The following ST14 variants were observed in gnomAD, a reference collection of about 807,000 sequenced individuals.
ST14 encodes ST14 transmembrane serine protease matriptase.
In ST14, 40 loss-of-function variants were observed where a neutral mutation model predicts 96.5. The observed-to-expected ratio is 0.41, with a 90% CI of 0.32 to 0.54. ST14 has a LOEUF of 0.54. ST14 is among the 20% of genes least tolerant of loss of function. ST14 has a pLI of 0.17. For synonymous variants in ST14, 506 were observed against 492.1 expected (o/e 1.03, Z -0.37); for missense variants, 1,066 against 1,188.9 (o/e 0.90, Z 1.52).
intron 12 of ST14, 125 bp from the exon 13 acceptor site, chr11:130,198,183 C>A: frequency 2.0e-6 from 2 of 1,007,718 alleles, no homozygotes; most frequent in Non-Finnish European, 3.2e-6. Context: ...GCTGGTGGAG[C>A]AGGGCCCCTT....
At chr11:130,197,752 G>T (rs1157012500) in intron 11 of ST14, 89 bp from the exon 12 acceptor site, 17 of 1,129,702 alleles carry the variant, frequency 1.5e-5, no homozygotes, top group African/African-American at 9.2e-5. Context: ...TGTGTTTGTG[G>T]CTGGGAGGTT....
Position 130,209,339 on chromosome 11 carries a change from G to C in ST14, c.2270-103G>C, listed in dbSNP as rs519419. ...CCCGTTTGTCAGCCCCGGGCATCTG[G>C]GCTGTTCCAGAGTTTTCTAGTCCAA... On this transcript the variant is annotated intron_variant, in intron 17 of 18. Transcript: ENST00000278742. The C allele has an allele frequency of 0.58, 857,077 of 1,475,218 alleles. 253,679 individuals carry two copies. Among genetic ancestry groups the C allele is most frequent in the South Asian group, 0.68 (55,764 of 82,180 alleles). The allele number at this position is 1,475,218 out of a possible 1,614,324, so 91.4% of individuals were successfully genotyped here.
chr11:130,190,835 G>A lies in ST14; in HGVS notation c.875+141G>A, dbSNP rs1953290481. On this transcript the variant is annotated intron_variant, in intron 7 of 18. Coordinates refer to ENST00000278742, the MANE Select transcript of ST14 (RefSeq NM_021978.4). ...AACATCCAGGCAGCAGGAGGCACGT[G>A]TGGTGTGATCCTCAGCTGCAGCTCC... 8.6e-6 allele frequency: 10 copies of A among 1,157,700 alleles called. No individual in the cohort carries two copies. The South Asian group carries it at 1.5e-4, about 17-fold the overall frequency. The allele number at this position is 1,157,700 out of a possible 1,614,324, so 71.7% of individuals were successfully genotyped here.
intron 1 of ST14, among the ~76,000 whole-genome samples, chr11:130,167,360 A>AAT (rs1953050945): frequency 6.6e-6 from 1 of 152,190 alleles, no homozygotes; most frequent in Admixed American, 6.5e-5. Context: ...ACAATATAGA[A>AAT]ATGTACAGTG....
chr11:130,164,798 T>C (rs1953028389), intron 1 of ST14, among the ~76,000 whole-genome samples: 1 of 151,606 alleles, frequency 6.6e-6, no homozygotes, highest in Non-Finnish European at 1.5e-5. Context: ...AGTGCAATGG[T>C]GTGATCTCAG....
In ST14 at chr11:130,200,116, A is replaced by G. The variant is rs1030817039; in HGVS notation, c.1973A>G (p.Tyr658Cys). ...TGGCTGGTCTCTGCCGCACACTGCT[A>G]CATCGATGACAGAGGATTCAGGTGG... ...PNWLVSAAHC[Y>C]IDDRGFRYSD... Residue 658 changes from tyrosine to cysteine, a missense_variant, in exon 16 of 19, where the codon TAC becomes TGC. By Grantham distance (194) the Tyr-to-Cys change is radical (BLOSUM62 -2). Coordinates refer to ENST00000278742, the MANE Select transcript of ST14 (RefSeq NM_021978.4). 2 of 1,613,918 alleles carry G rather than the reference A, an allele frequency of 1.2e-6. No individual in the cohort carries two copies. The highest frequency in any genetic ancestry group is 1.7e-6 in the Non-Finnish European group (2 of 1,179,974).
chr11:130,165,624 C>T (rs1396419051), intron 1 of ST14, among the ~76,000 whole-genome samples: 1 of 152,042 alleles, frequency 6.6e-6, no homozygotes, highest in Non-Finnish European at 1.5e-5. Context: ...TCTTTTTGGC[C>T]CACGTTGGTG....
rs777853257 is a variant in ST14, at chr11:130,188,172, TGGAAAAGCA to T, written c.141_149del (p.Glu48_His50del). The T allele has an allele frequency of 1.2e-6, 2 of 1,613,958 alleles. No homozygotes were observed. The highest frequency in any genetic ancestry group is 2.2e-5 in the South Asian group (2 of 91,048). On this transcript the variant is annotated inframe_deletion, in exon 2 of 19. Transcript: ENST00000278742. The surrounding 1 kb of genome is among the most constrained non-coding windows in gnomAD (Gnocchi z 5.4). ...CTGCCAGTCAACAACGTCAAGAAGG[TGGAAAAGCA>T]TGGCCCGGGGCGCTGGGTGGTGCTG...
intron 9 of ST14, 82 bp from the exon 10 acceptor site, chr11:130,196,257 T>C (rs1482789930): frequency 1.1e-5 from 12 of 1,085,930 alleles, no homozygotes; most frequent in Non-Finnish European, 1.6e-5. Flanking sequence ...CCCTGGTCCA[T>C]GCCGCTGCCT....
intron 16 of ST14, among the ~76,000 whole-genome samples, chr11:130,206,970 C>G (rs1358313450): frequency 6.6e-6 from 1 of 152,132 alleles, no homozygotes; most frequent in Non-Finnish European, 1.5e-5. Flanking sequence ...TTACCCCACC[C>G]TTTTTTATTA....
chr11:130,194,670 G>A lies in ST14; in HGVS notation c.1046G>A (p.Gly349Glu), dbSNP rs2136215297. The A allele has an allele frequency of 6.2e-7, 1 of 1,614,154 alleles. No individual in the cohort carries two copies. The highest frequency in any genetic ancestry group is 1.6e-4 in the Middle Eastern group (1 of 6,062). The change falls in exon 9 of 19, where the codon GGG (glycine) becomes GAG (glutamate). Residue 349 changes from glycine to glutamate, a missense_variant. By Grantham distance (98) the Gly-to-Glu change is moderately conservative (BLOSUM62 -2). Transcript: ENST00000278742. ...SCGGRLRKAQGTFNSPYYPGH... is the reference protein window; with the variant it reads ...SCGGRLRKAQETFNSPYYPGH... ...GGAGGCCGCTTACGTAAAGCCCAGG[G>A]GACATTCAACAGCCCCTACTACCCA...
chr11:130,206,999 G>A (rs7944700), intron 16 of ST14, among the ~76,000 whole-genome samples: 23,603 of 152,132 alleles, frequency 0.16, 2,127 homozygotes, highest in Non-Finnish European at 0.21. Context: ...GTGTAGTAGT[G>A]TCACCCTGTC....
intron 1 of ST14, among the ~76,000 whole-genome samples, chr11:130,174,240 G>A (rs1170131644): frequency 6.6e-6 from 1 of 152,198 alleles, no homozygotes; most frequent in South Asian, 2.1e-4. Flanking sequence ...CCACAGCCAG[G>A]TGAGGGAGGC....
At chr11:130,198,054 G>GT in intron 12 of ST14, 109 bp downstream of exon 12, 1 of 1,215,298 alleles carries the variant, frequency 8.2e-7, no homozygotes, top group South Asian at 1.3e-5. Context: ...GGTGGTGGGA[G>GT]TTTTTGCTCT....
At position 130,198,433 on chromosome 11, in the gene ST14, G is replaced by T; in HGVS notation, c.1570+15G>T. 1 of 1,613,840 alleles carries T rather than the reference G, an allele frequency of 6.2e-7. No homozygotes were observed. Among genetic ancestry groups the T allele is most frequent in the South Asian group, 1.1e-5 (1 of 91,078 alleles). On this transcript the variant is annotated intron_variant, in intron 13 of 18. Transcript: ENST00000278742. Reference sequence around the variant, plus strand: ...GCAGGGGTGCAGTGAGTGCTGGGGAGGGGCTGCCTGGGCGGGCAGGTGGGC... The same window carrying T: ...GCAGGGGTGCAGTGAGTGCTGGGGATGGGCTGCCTGGGCGGGCAGGTGGGC...
At chr11:130,196,141 C>G (rs183133662) in intron 9 of ST14, among the ~76,000 whole-genome samples, 198 bp from the exon 10 acceptor site, 300 of 152,244 alleles carry the variant, frequency 2.0e-3, no homozygotes, top group African/African-American at 6.8e-3. Context: ...GCCTGGGCGA[C>G]AGAGCAAGAC....
At chr11:130,199,886 G>T in intron 15 of ST14, 65 bp from the exon 16 acceptor site, 1 of 1,600,062 alleles carries the variant, frequency 6.2e-7, no homozygotes, top group Non-Finnish European at 8.5e-7. Flanking sequence ...CACACTGCAT[G>T]TCCCCTTGTG....
intron 7 of ST14, among the ~76,000 whole-genome samples, chr11:130,192,428 G>T (rs1024264022): frequency 6.6e-6 from 1 of 152,164 alleles, no homozygotes; most frequent in Admixed American, 6.5e-5. Context: ...TCGCTCTGTC[G>T]CCCAGGCTGG....
intron 16 of ST14, 61 bp downstream of exon 16, chr11:130,200,198 G>A: frequency 6.3e-7 from 1 of 1,593,308 alleles, no homozygotes. Context: ...TGGGAGTAAT[G>A]CCAGGATAGG....
Sources: gnomAD v4.1 joint callset for allele counts (sites outside exome capture counted in the v4.1 genomes callset) on GRCh38, gnomAD v4.1.1 for gene constraint, Gnocchi (gnomAD v3.1) non-coding constraint, MANE v1.5 for transcripts, NCBI Gene and HGNC (gene_info 2026-07-23, HGNC 2026-07-21) for gene names.